The following ITGA5 variants were observed in gnomAD, a reference collection of about 807,000 sequenced individuals.
ITGA5 encodes integrin alpha-5.
In ITGA5, 55 loss-of-function variants were observed where a neutral mutation model predicts 146.3. The observed-to-expected ratio is 0.38, with a 90% CI of 0.30 to 0.47. The LOEUF is 0.47. Among genes scored for constraint, ITGA5 ranks in the 20% least tolerant of loss-of-function variants. The pLI, the probability that ITGA5 is intolerant of heterozygous loss-of-function variation, is 0.99. For synonymous variants in ITGA5, 500 were observed against 531.8 expected, an observed-to-expected ratio of 0.94 and a Z score of 0.82; for missense variants, 1,131 against 1,329.0, an observed-to-expected ratio of 0.85 and a Z score of 2.32.
chr12:54,418,994 G>C lies in ITGA5; in HGVS notation c.205C>G (p.Pro69Ala), dbSNP rs753684798. ...CTCCTCACTCACCCGTCTGTTCCCG[G>C]CCGGTAAAACTCCACTGAGAATCCG... ...FFGFSVEFYR[P>A]GTDGVSVLVG... Residue 69 changes from proline to alanine, a missense_variant, in exon 1 of 30, where the codon CCG (proline) becomes GCG (alanine). Pro to Ala is a conservative substitution (Grantham distance 27). Coordinates refer to ENST00000293379, the MANE Select transcript of ITGA5 (RefSeq NM_002205.5). The C allele has an allele frequency of 1.2e-6, 2 of 1,610,116 alleles. No individual in the cohort carries two copies. The highest frequency in any genetic ancestry group is 1.7e-5 in the Admixed American group (1 of 59,578).
At chr12:54,399,567 A>T in intron 27 of ITGA5, 78 bp downstream of exon 27, 1 of 944,066 alleles carries the variant, frequency 1.1e-6, no homozygotes, top group Non-Finnish European at 1.7e-6. Flanking sequence ...AGAGGTGGCT[A>T]CTGCAGTGGA....
intron 19 of ITGA5, among the ~76,000 whole-genome samples, chr12:54,402,682 A>T (rs1027508097): frequency 6.6e-6 from 1 of 152,066 alleles, no homozygotes; most frequent in Non-Finnish European, 1.5e-5. Flanking sequence ...CCTGGGTGAC[A>T]AGGGCATGAC....
rs758043646 is a variant in ITGA5 at position 54,401,792 on chromosome 12, C to A, written c.2290G>T (p.Asp764Tyr). Residue 764 changes from aspartate (D) to tyrosine (Y), a missense_variant, in exon 22 of 30, where the codon GAC (aspartate) becomes TAC (tyrosine). By Grantham distance (160) the Asp-to-Tyr change is radical (BLOSUM62 -3). Transcript: ENST00000293379. The surrounding 1 kb of genome is among the most constrained non-coding windows in gnomAD (Gnocchi z 5.0). ...LRDTKKTIQF[D>Y]FQILSKNLNN... ...ACTCCCTACCTGAGGATCTGGAAGT[C>A]AAACTGGATGGTTTTCTTAGTGTCC... 5.0e-6 allele frequency: 8 copies of A among 1,614,062 alleles called. No individual in the cohort carries two copies. The highest frequency in any genetic ancestry group is 6.8e-6 in the Non-Finnish European group (8 of 1,180,026).
In ITGA5 at chr12:54,401,908, C is replaced by T; in HGVS notation, c.2227-53G>A. The T allele has an allele frequency of 1.3e-6, 2 of 1,597,480 alleles. No individual in the cohort carries two copies. Among genetic ancestry groups the T allele is most frequent in the South Asian group, 2.2e-5 (2 of 90,756 alleles). Reference sequence around the variant, plus strand: ...GCAGTTAGACTGTGTATTTCACCCTCCCTCCGCACCTCACAGCTGTGCTCT... The same window carrying T: ...GCAGTTAGACTGTGTATTTCACCCTTCCTCCGCACCTCACAGCTGTGCTCT... On this transcript the variant is annotated intron_variant, in intron 21 of 29. Coordinates refer to ENST00000293379, the MANE Select transcript of ITGA5 (RefSeq NM_002205.5). The surrounding 1 kb of genome is among the most constrained non-coding windows in gnomAD (Gnocchi z 5.0).
At position 54,416,847 on chromosome 12, in the gene ITGA5, G is replaced by A. The variant is rs1956013065; in HGVS notation, c.218+2134C>T. ...TTTCCTACCATCTAACTGCTTTGGT[G>A]CTCGCCCTGTCCTTTAATACTATTT... On this transcript the variant is annotated intron_variant, in intron 1 of 29. Transcript: ENST00000293379. This position sits in a 1 kb window ranked among gnomAD's most constrained non-coding sequence, Gnocchi z 4.1. Among the ~76,000 whole-genome samples, 1 of 152,222 alleles carries A rather than the reference G, an allele frequency of 6.6e-6. No homozygotes were observed. The highest frequency in any genetic ancestry group is 1.5e-5 in the Non-Finnish European group (1 of 68,040).
chr12:54,396,920 A>C (rs1380268794), intron 29 of ITGA5, among the ~76,000 whole-genome samples: 1 of 152,160 alleles, frequency 6.6e-6, no homozygotes, highest in African/African-American at 2.4e-5. Context: ...TCCTGGGCTC[A>C]AGCTGTCTTC....
chr12:54,405,538 G>A, intron 11 of ITGA5, 126 bp downstream of exon 11: 1 of 1,035,020 alleles, frequency 9.7e-7, no homozygotes, highest in Middle Eastern at 2.1e-4. Context: ...CAAGGGGAAT[G>A]CAGGTATGAG....
In ITGA5 at chr12:54,403,133, C is replaced by G. The variant is rs1219126253; in HGVS notation, c.1914+54G>C. On this transcript the variant is annotated intron_variant, in intron 18 of 29. Coordinates refer to ENST00000293379, the MANE Select transcript of ITGA5 (RefSeq NM_002205.5). This position sits in a 1 kb window ranked among gnomAD's most constrained non-coding sequence, Gnocchi z 4.9. The stretch of plus-strand genomic sequence containing the variant: ...TCTTCTCTTTCCATGGCCCTGCCCC[C>G]CCAATACCCAGGCCTCTGTCTTCCC... The G allele has an allele frequency of 5.6e-6, 9 of 1,596,860 alleles. No homozygotes were observed. The highest frequency in any genetic ancestry group is 2.7e-5 in the African/African-American group (2 of 74,068).
intron 29 of ITGA5, 198 bp downstream of exon 29, chr12:54,397,167 G>C (rs1358123079): frequency 4.2e-6 from 2 of 478,932 alleles, no homozygotes; most frequent in Non-Finnish European, 7.4e-6. Context: ...TGAGTCAAGA[G>C]GACCCTTTCT....
Position 54,419,111 on chromosome 12 carries a change from A to G in ITGA5, c.88T>C (p.Leu30=). ...CTGGGTGGCGGCGGCAGCAGCAGCA[A>G]CAGCAGCGGCAGCAGCGGGGGTCGG... ...RRRPPLLPLL[L]LLLPPPPRVG... The change falls in exon 1 of 30, where the codon TTG becomes CTG. Residue 30 remains leucine (L), a synonymous_variant. Transcript: ENST00000293379. 6.3e-7 allele frequency: 1 copy of G among 1,592,788 alleles called. No individual in the cohort carries two copies. The highest frequency in any genetic ancestry group is 2.2e-5 in the East Asian group (1 of 44,636).
Position 54,401,784 on chromosome 12 carries a change from C to G in ITGA5, c.2298G>C (p.Gln766His), listed in dbSNP as rs1955787664. ...ACACACTCACTCCCTACCTGAGGAT[C>G]TGGAAGTCAAACTGGATGGTTTTCT... ...DTKKTIQFDF[Q>H]ILSKNLNNSQ... The change falls in exon 22 of 30, where the codon CAG becomes CAC. Residue 766 changes from glutamine to histidine, a missense_variant. Coordinates refer to ENST00000293379, the MANE Select transcript of ITGA5 (RefSeq NM_002205.5). The surrounding 1 kb of genome is among the most constrained non-coding windows in gnomAD (Gnocchi z 5.0). 1.9e-6 allele frequency: 3 copies of G among 1,614,154 alleles called. No individual in the cohort carries two copies. The highest frequency in any genetic ancestry group is 1.3e-5 in the African/African-American group (1 of 75,032).
chr12:54,401,298 G>C lies in ITGA5; in HGVS notation c.2493+75C>G. 1 of 1,108,014 alleles carries C rather than the reference G, an allele frequency of 9.0e-7. No individual in the cohort carries two copies. The highest frequency in any genetic ancestry group is 1.4e-6 in the Non-Finnish European group (1 of 721,956). The allele number at this position is 1,108,014 out of a possible 1,614,324, so 68.6% of individuals were successfully genotyped here. On this transcript the variant is annotated intron_variant, in intron 24 of 29. Transcript: ENST00000293379. The surrounding 1 kb of genome is among the most constrained non-coding windows in gnomAD (Gnocchi z 5.0). Reference sequence around the variant, plus strand: ...CTCTTTCTCTCAGTCCCTCACATGGGTTCCAGCCATCTGTCACTCATATTA... The same window carrying C: ...CTCTTTCTCTCAGTCCCTCACATGGCTTCCAGCCATCTGTCACTCATATTA...
intron 28 of ITGA5, 141 bp downstream of exon 28, chr12:54,398,456 G>C (rs1238153339): frequency 1.7e-6 from 1 of 600,306 alleles, no homozygotes. Flanking sequence ...CTCTGTCTCT[G>C]GCATCTGCAC....
Position 54,405,193 on chromosome 12 carries a change from C to T in ITGA5, c.1198G>A (p.Gly400Arg), listed in dbSNP as rs200132643. 3.1e-6 allele frequency: 5 copies of T among 1,609,158 alleles called. No individual in the cohort carries two copies. In the East Asian group the frequency reaches 1.1e-4, roughly 36 times the overall value. Reference protein sequence around the residue: ...GRFGSSLTPLGDLDQDGYNDV... With the variant: ...GRFGSSLTPLRDLDQDGYNDV... ...TTGTAGCCATCCTGGTCCAGGTCCC[C>T]CAGGGGGGTCAAGGAGCTGCCAAAT... is the stretch of plus-strand genomic sequence containing the variant. The change falls in exon 12 of 30, where the codon GGG (glycine) becomes AGG (arginine). Residue 400 changes from glycine (G) to arginine (R), a missense_variant. Gly to Arg is a moderately radical substitution (Grantham distance 125). Transcript: ENST00000293379.
chr12:54,405,961 A>C, intron 9 of ITGA5, 35 bp from the exon 10 acceptor site: 1 of 1,579,098 alleles, frequency 6.3e-7, no homozygotes, highest in Non-Finnish European at 8.7e-7. Context: ...TTGGTCCTGG[A>C]CTCCCAGAAT....
At chr12:54,405,585 T>C (rs963191646) in intron 11 of ITGA5, 79 bp downstream of exon 11, 2 of 1,320,920 alleles carry the variant, frequency 1.5e-6, no homozygotes, top group Non-Finnish European at 1.1e-6. Flanking sequence ...GAAACTCTCC[T>C]TGCATTTTCT....
chr12:54,396,127 C>A lies in ITGA5; in HGVS notation c.*166G>T. The A allele has an allele frequency of 1.7e-6, 1 of 600,552 alleles. No homozygotes were observed. Among genetic ancestry groups the A allele is most frequent in the South Asian group, 2.0e-5 (1 of 50,724 alleles). The allele number at this position is 600,552 out of a possible 1,614,324, so 37.2% of individuals were successfully genotyped here. ...GTGCATGGGGGGGAGGGATCCCCAG[C>A]TCCTCACCCCCCTGGCTCTGGCCCT... On this transcript the variant is annotated 3_prime_UTR_variant, in exon 30 of 30. Transcript: ENST00000293379.
Position 54,403,834 on chromosome 12 carries a change from G to C in ITGA5, c.1622-55C>G. ...GCCTGTCTTTCCTCATCTTTTCAGA[G>C]AGAAGAAATGTCCCCAGGTCCCCAG... On this transcript the variant is annotated intron_variant, in intron 16 of 29. Transcript: ENST00000293379. The surrounding 1 kb of genome is among the most constrained non-coding windows in gnomAD (Gnocchi z 4.9). 1 of 1,609,694 alleles carries C rather than the reference G, an allele frequency of 6.2e-7. No homozygotes were observed. The highest frequency in any genetic ancestry group is 8.5e-7 in the Non-Finnish European group (1 of 1,176,364).
chr12:54,416,102 C>T lies in ITGA5; in HGVS notation c.218+2879G>A, dbSNP rs944148901. Among the ~76,000 whole-genome samples, 2 of 152,148 alleles carry T rather than the reference C, an allele frequency of 1.3e-5. No individual in the cohort carries two copies. The highest frequency in any genetic ancestry group is 2.9e-5 in the Non-Finnish European group (2 of 68,028). On this transcript the variant is annotated intron_variant, in intron 1 of 29. Transcript: ENST00000293379. This position sits in a 1 kb window ranked among gnomAD's most constrained non-coding sequence, Gnocchi z 4.1. ...TTTTTGAGATGGAGTCTCACTCTGT[C>T]GCCCAGTCTGGGGTCGCTCAGTACA...
Sources: gnomAD v4.1 joint callset for allele counts (sites outside exome capture counted in the v4.1 genomes callset) on GRCh38, gnomAD v4.1.1 for gene constraint, Gnocchi (gnomAD v3.1) non-coding constraint, MANE v1.5 for transcripts, NCBI Gene and HGNC (gene_info 2026-07-23, HGNC 2026-07-21) for gene names.